The following SH3PXD2A variants were observed in gnomAD, a reference collection of about 807,000 sequenced individuals.
SH3PXD2A encodes the protein SH3 and PX domain-containing protein 2A.
Under a neutral mutation model 115.2 loss-of-function variants are expected in SH3PXD2A, and 32 were observed. The ratio of observed to expected loss-of-function variants is 0.28; its 90% CI spans 0.21 to 0.37. SH3PXD2A has a LOEUF of 0.37. SH3PXD2A is among the 10% of genes least tolerant of loss of function. The pLI is 1.00. For missense variants in SH3PXD2A, 1,328 were observed against 1,498.7 expected (o/e 0.89, Z 1.88); for synonymous variants, 610 against 629.1 (o/e 0.97, Z 0.45).
At chr10:103,777,896 G>T (rs1205635036) in intron 2 of SH3PXD2A, among the ~76,000 whole-genome samples, 1 of 152,160 alleles carries the variant, frequency 6.6e-6, no homozygotes, top group Non-Finnish European at 1.5e-5. Flanking sequence ...CACGTGTTGT[G>T]AGGATCCAAG....
chr10:103,669,411 G>A (rs892881576), intron 6 of SH3PXD2A, among the ~76,000 whole-genome samples: 3 of 152,210 alleles, frequency 2.0e-5, no homozygotes, highest in Admixed American at 2.0e-4. Context: ...CAAAATCAAA[G>A]CAGCATAAAG....
chr10:103,778,245 T>C (rs2038898991), intron 2 of SH3PXD2A, among the ~76,000 whole-genome samples: 1 of 151,786 alleles, frequency 6.6e-6, no homozygotes, highest in Non-Finnish European at 1.5e-5. Context: ...AGGCAGGAAA[T>C]GGCGTGAATC....
chr10:103,654,878 G>A (rs746311108), intron 8 of SH3PXD2A, among the ~76,000 whole-genome samples: 24 of 151,970 alleles, frequency 1.6e-4, no homozygotes, highest in Non-Finnish European at 1.5e-4. Flanking sequence ...TCTCTAACAC[G>A]AAGTCCATGT....
intron 5 of SH3PXD2A, among the ~76,000 whole-genome samples, chr10:103,693,789 GA>G (rs746426711): frequency 9.3e-4 from 141 of 152,138 alleles, no homozygotes; most frequent in Non-Finnish European, 1.6e-3. Flanking sequence ...TAGTGGGGGG[GA>G]CAGAGGATAC....
At chr10:103,844,983 C>T (rs533466064) in intron 1 of SH3PXD2A, among the ~76,000 whole-genome samples, 2 of 152,264 alleles carry the variant, frequency 1.3e-5, no homozygotes, top group African/African-American at 4.8e-5. Context: ...CAGAATGAGA[C>T]AGGAGGTCAG....
At chr10:103,711,499 C>G (rs1184079979) in intron 5 of SH3PXD2A, among the ~76,000 whole-genome samples, 1 of 152,220 alleles carries the variant, frequency 6.6e-6, no homozygotes, top group Non-Finnish European at 1.5e-5. Context: ...CACCCTCCCC[C>G]TTCACCCTGG....
rs3781339 is a variant in SH3PXD2A at position 103,668,394 on chromosome 10, C to T, written c.472+214G>A. Among the ~76,000 whole-genome samples, 22,970 of 152,286 alleles carry T rather than the reference C, an allele frequency of 0.15. 2,163 individuals are homozygous for T. The highest frequency in any genetic ancestry group is 0.27 in the East Asian group (1,379 of 5,174). Reference sequence around the variant, plus strand: ...TGGGTCCAGAGCACACGTGCTTACACGCTGAGCTACGTGGTCATCACTCAG... The same window carrying T: ...TGGGTCCAGAGCACACGTGCTTACATGCTGAGCTACGTGGTCATCACTCAG... On this transcript the variant is annotated intron_variant, in intron 7 of 14. Transcript: ENST00000369774.
At chr10:103,669,780 C>T (rs887081418) in intron 6 of SH3PXD2A, among the ~76,000 whole-genome samples, 2 of 152,270 alleles carry the variant, frequency 1.3e-5, no homozygotes, top group Non-Finnish European at 2.9e-5. Context: ...CAAACTCTCG[C>T]ACTGCCCACC....
At chr10:103,761,382 A>C (rs2038698024) in intron 3 of SH3PXD2A, among the ~76,000 whole-genome samples, 1 of 152,156 alleles carries the variant, frequency 6.6e-6, no homozygotes, top group South Asian at 2.1e-4. Context: ...ACCTCTTGTG[A>C]GTCTCTAATT....
chr10:103,710,830 G>A (rs2038038670), intron 5 of SH3PXD2A, among the ~76,000 whole-genome samples: 1 of 152,170 alleles, frequency 6.6e-6, no homozygotes, highest in African/African-American at 2.4e-5. Flanking sequence ...GAGTCCAGGA[G>A]TTCAAGACCA....
At chr10:103,795,303 G>A (rs769772831) in intron 2 of SH3PXD2A, among the ~76,000 whole-genome samples, 33 of 152,180 alleles carry the variant, frequency 2.2e-4, no homozygotes, top group South Asian at 2.1e-4. Flanking sequence ...TAAAGCCTCC[G>A]TACCTGGGGG....
At chr10:103,657,000 T>G (rs1232301073) in intron 8 of SH3PXD2A, among the ~76,000 whole-genome samples, 2 of 151,738 alleles carry the variant, frequency 1.3e-5, no homozygotes, top group Non-Finnish European at 2.9e-5. Context: ...AAAGTCTGAG[T>G]GAATTTCTGT....
intron 9 of SH3PXD2A, among the ~76,000 whole-genome samples, chr10:103,623,279 C>CA (rs1491476303): frequency 1.4e-5 from 2 of 140,050 alleles, no homozygotes; most frequent in South Asian, 2.1e-4. Context: ...GCCCCCTCCC[C>CA]AGCTTCTCAC....
At chr10:103,690,973 G>A (rs995610523) in intron 6 of SH3PXD2A, among the ~76,000 whole-genome samples, 1 of 152,200 alleles carries the variant, frequency 6.6e-6, no homozygotes, top group African/African-American at 2.4e-5. Context: ...CGTGAGAGTG[G>A]AAGACAGAGA....
intron 2 of SH3PXD2A, among the ~76,000 whole-genome samples, chr10:103,783,171 C>T (rs2134243025): frequency 6.6e-6 from 1 of 152,260 alleles, no homozygotes; most frequent in African/African-American, 2.4e-5. Flanking sequence ...CAGGCAGGGC[C>T]ATCACCCAGG....
At chr10:103,771,275 T>A (rs1443237666) in intron 2 of SH3PXD2A, among the ~76,000 whole-genome samples, 1 of 152,238 alleles carries the variant, frequency 6.6e-6, no homozygotes, top group Non-Finnish European at 1.5e-5. Flanking sequence ...GCATATGTTC[T>A]CCGACTCCTC....
chr10:103,714,477 TG>T (rs1294009455), intron 5 of SH3PXD2A, among the ~76,000 whole-genome samples: 1 of 152,144 alleles, frequency 6.6e-6, no homozygotes, highest in Non-Finnish European at 1.5e-5. Context: ...TGGGCTGGAC[TG>T]GGGGTGTTTG....
chr10:103,613,270 C>G, intron 11 of SH3PXD2A, 80 bp from the exon 12 acceptor site: 1 of 1,162,526 alleles, frequency 8.6e-7, no homozygotes, highest in African/African-American at 1.5e-5. Flanking sequence ...ATCCATCTGG[C>G]CTTGCCCAGT....
intron 13 of SH3PXD2A, chr10:103,609,468 T>G (rs1463599994): frequency 1.3e-5 from 2 of 152,184 alleles, no homozygotes; most frequent in African/African-American, 4.8e-5. Context: ...TCATTGGAGA[T>G]CCTCAATGCT....
Sources: gnomAD v4.1 joint callset for allele counts (sites outside exome capture counted in the v4.1 genomes callset) on GRCh38, gnomAD v4.1.1 for gene constraint, MANE v1.5 for transcripts, NCBI Gene and HGNC (gene_info 2026-07-23, HGNC 2026-07-21) for gene names.